Variants in NRG3 observed in about 807,000 individuals in gnomAD.
The protein encoded by NRG3 is neuregulin 3, also known as pro-neuregulin-3, membrane-bound isoform.
NRG3 carries 31 observed loss-of-function variants against 66.9 expected under a neutral mutation model. The ratio of observed to expected loss-of-function variants is 0.46; its 90% CI spans 0.35 to 0.63. The LOEUF (loss-of-function observed/expected upper bound fraction) is 0.63. Among genes scored for constraint, NRG3 ranks in the 20% least tolerant of loss-of-function variants. NRG3 has a pLI of 0.00. For synonymous variants in NRG3, 393 were observed against 359.4 expected, an observed-to-expected ratio of 1.09 and a Z score of -1.06; for missense variants, 910 against 878.9, an observed-to-expected ratio of 1.04 and a Z score of -0.45.
At chr10:82,928,018 T>G (rs1209911334) in intron 4 of NRG3, among the ~76,000 whole-genome samples, 1 of 152,224 alleles carries the variant, frequency 6.6e-6, no homozygotes, top group African/African-American at 2.4e-5. Flanking sequence ...GTTTCCTAAC[T>G]TTTTAATGAT....
intron 1 of NRG3, among the ~76,000 whole-genome samples, chr10:82,304,230 AT>A (rs2080580977): frequency 6.6e-6 from 1 of 152,022 alleles, no homozygotes; most frequent in South Asian, 2.1e-4. Flanking sequence ...ATTTAAACTT[AT>A]TTTTTCTTAT....
At chr10:82,152,708 A>G (rs1249368499) in intron 1 of NRG3, among the ~76,000 whole-genome samples, 1 of 5,370 alleles carries the variant, frequency 1.9e-4, no homozygotes, top group African/African-American at 3.6e-3. Context: ...AATGCCATAT[A>G]TGGAAAATGC....
At chr10:82,044,524 A>C (rs186128528) in intron 1 of NRG3, among the ~76,000 whole-genome samples, 27 of 152,144 alleles carry the variant, frequency 1.8e-4, no homozygotes, top group South Asian at 6.2e-4. Flanking sequence ...CCCAGCTGGA[A>C]ATCAGTGTTT....
intron 3 of NRG3, among the ~76,000 whole-genome samples, chr10:82,784,906 G>A (rs369822377): frequency 1.6e-4 from 25 of 152,104 alleles, no homozygotes; most frequent in African/African-American, 3.9e-4. Context: ...ACATGCACAC[G>A]TATGTTCATT....
chr10:82,135,325 T>C (rs772806324), intron 1 of NRG3, among the ~76,000 whole-genome samples: 3 of 152,102 alleles, frequency 2.0e-5, no homozygotes, highest in Non-Finnish European at 4.4e-5. Flanking sequence ...TAGGCTTCTT[T>C]AGGCTAAATC....
chr10:82,427,689 G>T (rs1302153356), intron 2 of NRG3, among the ~76,000 whole-genome samples: 1 of 151,988 alleles, frequency 6.6e-6, no homozygotes, highest in African/African-American at 2.4e-5. Flanking sequence ...GGTCTTTCTT[G>T]CTTGGTTATG....
chr10:82,025,653 T>G (rs1401141455), intron 1 of NRG3, among the ~76,000 whole-genome samples: 1 of 152,120 alleles, frequency 6.6e-6, no homozygotes, highest in East Asian at 1.9e-4. Context: ...AAATTAAGAT[T>G]TTAAGTTTTG....
intron 1 of NRG3, among the ~76,000 whole-genome samples, chr10:82,250,670 T>C (rs1428473499): frequency 2.6e-5 from 4 of 152,216 alleles, no homozygotes; most frequent in Admixed American, 1.3e-4. Flanking sequence ...CTTGACTGTC[T>C]AGGGCTGAAT....
chr10:82,086,404 T>C (rs2065727454), intron 1 of NRG3, among the ~76,000 whole-genome samples: 1 of 152,086 alleles, frequency 6.6e-6, no homozygotes, highest in African/African-American at 2.4e-5. Flanking sequence ...CAGATTGCAG[T>C]TCAATTTTTT....
intron 3 of NRG3, among the ~76,000 whole-genome samples, chr10:82,796,572 G>C (rs1418432623): frequency 6.6e-6 from 1 of 151,196 alleles, no homozygotes; most frequent in Non-Finnish European, 1.5e-5. Context: ...GAAATAAAGT[G>C]GTAAAGAGAG....
At chr10:82,623,562 A>G (rs2049190233) in intron 2 of NRG3, among the ~76,000 whole-genome samples, 1 of 152,116 alleles carries the variant, frequency 6.6e-6, no homozygotes, top group Non-Finnish European at 1.5e-5. Context: ...ATGGCTCAAC[A>G]AGATAGACAT....
At chr10:82,965,031 G>A (rs1592113396) in intron 6 of NRG3, among the ~76,000 whole-genome samples, 1 of 152,262 alleles carries the variant, frequency 6.6e-6, no homozygotes, top group East Asian at 1.9e-4. Context: ...TGCATTAGCC[G>A]GCACTTTCAG....
intron 2 of NRG3, among the ~76,000 whole-genome samples, chr10:82,549,202 G>A (rs991763489): frequency 6.6e-6 from 1 of 152,162 alleles, no homozygotes; most frequent in Non-Finnish European, 1.5e-5. Flanking sequence ...AAAACACAAA[G>A]GATAGTGCTC....
At chr10:82,136,810 C>G (rs2069395126) in intron 1 of NRG3, among the ~76,000 whole-genome samples, 2 of 152,294 alleles carry the variant, frequency 1.3e-5, no homozygotes, top group Middle Eastern at 3.4e-3. Flanking sequence ...TGGGTTCAGG[C>G]TGAATTCTGC....
intron 2 of NRG3, among the ~76,000 whole-genome samples, chr10:82,466,638 A>T (rs1840704784): frequency 6.6e-6 from 1 of 152,190 alleles, no homozygotes; most frequent in South Asian, 2.1e-4. Flanking sequence ...TGATGAATGG[A>T]GATCCAGCAG....
chr10:82,027,746 G>A (rs1337766813), intron 1 of NRG3, among the ~76,000 whole-genome samples: 1 of 151,966 alleles, frequency 6.6e-6, no homozygotes, highest in Non-Finnish European at 1.5e-5. Flanking sequence ...GTAGGTGAGG[G>A]GATTGCAGTC....
rs1458531430 is a variant in NRG3 at position 82,980,620 on chromosome 10, T to C, written c.1583+1500T>C. Among the ~76,000 whole-genome samples, 3 of 152,180 alleles carry C rather than the reference T, an allele frequency of 2.0e-5. No homozygotes were observed. The East Asian group carries it at 5.8e-4, about 29-fold the overall frequency. ...TGGGCATGGGATATATGGAGCAGTG[T>C]CCTGTCTAACAAAGATCAGCAACAG... On this transcript the variant is annotated intron_variant, in intron 8 of 8. Coordinates refer to ENST00000372141, the MANE Select transcript of NRG3 (RefSeq NM_001010848.4).
chr10:81,936,414 T>A (rs1371141013), intron 1 of NRG3, among the ~76,000 whole-genome samples: 2 of 151,406 alleles, frequency 1.3e-5, no homozygotes, highest in Admixed American at 1.3e-4. Context: ...TTTGAAGGAG[T>A]CTCTGTAGGT....
chr10:82,969,950 C>T (rs1027510582), intron 6 of NRG3, among the ~76,000 whole-genome samples: 1 of 152,168 alleles, frequency 6.6e-6, no homozygotes, highest in African/African-American at 2.4e-5. Flanking sequence ...ATTGCACCTT[C>T]CTTATTTACA....
Sources: gnomAD v4.1 joint callset for allele counts (sites outside exome capture counted in the v4.1 genomes callset) on GRCh38, gnomAD v4.1.1 for gene constraint, MANE v1.5 for transcripts, NCBI Gene and HGNC (gene_info 2026-07-23, HGNC 2026-07-21) for gene names.